PRKCE: variants seen among roughly 807,000 people sequenced by gnomAD.
PRKCE encodes the protein protein kinase C epsilon.
In PRKCE, 16 loss-of-function variants were observed where a neutral mutation model predicts 85.4. That is an observed-to-expected ratio of 0.19 (90% CI 0.13 to 0.28). The LOEUF is 0.28. Ranked by LOEUF, PRKCE falls within the 10% of genes least tolerant of loss-of-function variation. The probability of loss-of-function intolerance (pLI) is 1.00; values close to 1 mark genes in which losing one functional copy is unlikely to be tolerated. For synonymous variants in PRKCE, 388 were observed against 371.5 expected (o/e 1.04, Z -0.51); for missense variants, 573 against 975.2 (o/e 0.59, Z 5.49).
chr2:45,887,096 G>A (rs1695359047), intron 2 of PRKCE, among the ~76,000 whole-genome samples: 1 of 152,206 alleles, frequency 6.6e-6, no homozygotes, highest in Non-Finnish European at 1.5e-5. Flanking sequence ...GTGTCTATCT[G>A]TAATGGCTTA....
At chr2:45,769,224 G>C (rs187072613) in intron 1 of PRKCE, among the ~76,000 whole-genome samples, 89 of 152,158 alleles carry the variant, frequency 5.8e-4, no homozygotes, top group African/African-American at 2.1e-3. Flanking sequence ...CTTGACAAAA[G>C]TCTTTTCATC....
At chr2:45,980,864 G>A (rs555465055) in intron 5 of PRKCE, among the ~76,000 whole-genome samples, 7 of 152,346 alleles carry the variant, frequency 4.6e-5, no homozygotes, top group African/African-American at 9.6e-5. Context: ...GGCACTTACC[G>A]TGCCCTGATT....
chr2:45,740,805 C>T lies in PRKCE; in HGVS notation c.348+88357C>T, dbSNP rs1038077403. On this transcript the variant is annotated intron_variant, in intron 1 of 14. Coordinates refer to ENST00000306156, the MANE Select transcript of PRKCE (RefSeq NM_005400.3). ...ATTCTGATTCTACCTGGGTTCATCTCAGACCACAGTTGTTTGAAAGTGCAG... is the reference window on the plus strand; with the variant it reads ...ATTCTGATTCTACCTGGGTTCATCTTAGACCACAGTTGTTTGAAAGTGCAG... Among the ~76,000 whole-genome samples, 3 of 152,220 alleles carry T rather than the reference C, an allele frequency of 2.0e-5. No individual in the cohort carries two copies. In the South Asian group the frequency reaches 6.2e-4, roughly 32 times the overall value.
intron 1 of PRKCE, among the ~76,000 whole-genome samples, chr2:45,789,525 G>C (rs1686871871): frequency 6.6e-6 from 1 of 152,186 alleles, no homozygotes. Context: ...AGCTACTCAG[G>C]AAGCTGAGGC....
intron 1 of PRKCE, among the ~76,000 whole-genome samples, chr2:45,796,702 T>G (rs1573392102): frequency 6.6e-6 from 1 of 152,298 alleles, no homozygotes; most frequent in East Asian, 1.9e-4. Flanking sequence ...GGGTGAGCCA[T>G]CATTCTTAGC....
chr2:45,786,802 C>T lies in PRKCE; in HGVS notation c.349-56198C>T, dbSNP rs563221665. Among the ~76,000 whole-genome samples the T allele has an allele frequency of 6.6e-6, 1 of 152,308 alleles. No homozygotes were observed. The highest frequency in any genetic ancestry group is 2.4e-5 in the African/African-American group (1 of 41,570). ...TCAGTGAGGTAACCACTACCCTCAC[C>T]CCCGTTTTACAGAGGTGGAAACCGA... On this transcript the variant is annotated intron_variant, in intron 1 of 14. Coordinates refer to ENST00000306156, the MANE Select transcript of PRKCE (RefSeq NM_005400.3). This position sits in a 1 kb window ranked among gnomAD's most constrained non-coding sequence, Gnocchi z 5.3.
intron 2 of PRKCE, among the ~76,000 whole-genome samples, chr2:45,869,789 C>T (rs960897351): frequency 4.8e-5 from 7 of 145,392 alleles, no homozygotes; most frequent in African/African-American, 1.5e-4. Flanking sequence ...CTCACTGCAA[C>T]GTCCACCTCC....
chr2:46,183,965 G>A (rs1299730890), intron 14 of PRKCE, among the ~76,000 whole-genome samples: 5 of 152,106 alleles, frequency 3.3e-5, no homozygotes, highest in African/African-American at 1.2e-4. Context: ...CACCCCCCAA[G>A]AACCATAAGG....
At chr2:45,816,329 C>A (rs1372258260) in intron 1 of PRKCE, among the ~76,000 whole-genome samples, 1 of 152,022 alleles carries the variant, frequency 6.6e-6, no homozygotes, top group Admixed American at 6.6e-5. Context: ...TGTTCACTAC[C>A]CCCTGGAGTG....
intron 14 of PRKCE, among the ~76,000 whole-genome samples, chr2:46,179,882 C>T (rs1374016366): frequency 3.0e-4 from 46 of 152,138 alleles, no homozygotes; most frequent in Admixed American, 3.0e-3. Context: ...ATCAAAACAC[C>T]CCCTGACAGC....
chr2:45,837,503 T>C (rs1690977447), intron 1 of PRKCE, among the ~76,000 whole-genome samples: 3 of 152,150 alleles, frequency 2.0e-5, no homozygotes, highest in Admixed American at 2.0e-4. Flanking sequence ...GTGGTCCACC[T>C]GCCTCAGTCT....
intron 10 of PRKCE, chr2:46,077,946 C>G (rs946060161): frequency 1.1e-4 from 17 of 152,112 alleles, no homozygotes; most frequent in Admixed American, 8.5e-4. Context: ...TTCATTTATT[C>G]TAATGATGGT....
intron 11 of PRKCE, among the ~76,000 whole-genome samples, chr2:46,117,350 T>A (rs984113676): frequency 6.6e-6 from 1 of 152,254 alleles, no homozygotes; most frequent in African/African-American, 2.4e-5. Context: ...CTTTTGTGGC[T>A]AATAATCCTG....
chr2:45,779,488 A>G (rs1686013723), intron 1 of PRKCE, among the ~76,000 whole-genome samples: 1 of 151,934 alleles, frequency 6.6e-6, no homozygotes, highest in South Asian at 2.1e-4. Context: ...AGCCTGCGAG[A>G]GCTAGGTTGA....
chr2:46,180,208 T>C (rs140323095), intron 14 of PRKCE, among the ~76,000 whole-genome samples: 2 of 152,218 alleles, frequency 1.3e-5, no homozygotes, highest in African/African-American at 4.8e-5. Flanking sequence ...AAAGGGCATG[T>C]ACATGGAGGT....
intron 11 of PRKCE, among the ~76,000 whole-genome samples, chr2:46,091,222 T>TAACCA (rs1670140284): frequency 6.6e-6 from 1 of 152,104 alleles, no homozygotes; most frequent in Non-Finnish European, 1.5e-5. Context: ...TTTCCACTTT[T>TAACCA]CCTAATTATG....
At chr2:45,850,058 T>C (rs574261801) in intron 2 of PRKCE, among the ~76,000 whole-genome samples, 6 of 152,312 alleles carry the variant, frequency 3.9e-5, no homozygotes, top group African/African-American at 1.4e-4. Context: ...AAATAGCCTC[T>C]AGATGCACAG....
At chr2:45,921,265 C>T (rs903979177) in intron 2 of PRKCE, among the ~76,000 whole-genome samples, 5 of 152,104 alleles carry the variant, frequency 3.3e-5, no homozygotes, top group South Asian at 4.1e-4. Flanking sequence ...GAGAAAAAGG[C>T]GTGTGGAGTT....
At chr2:46,060,124 A>G (rs1012288289) in intron 10 of PRKCE, among the ~76,000 whole-genome samples, 2 of 152,234 alleles carry the variant, frequency 1.3e-5, no homozygotes, top group African/African-American at 4.8e-5. Context: ...TCTGTATTTT[A>G]TTAACCTCAG....
Sources: allele counts gnomAD v4.1 joint callset (sites outside exome capture counted in the v4.1 genomes callset), GRCh38; gene constraint gnomAD v4.1.1; non-coding constraint Gnocchi (gnomAD v3.1); transcripts MANE v1.5; gene names NCBI Gene and HGNC (gene_info 2026-07-23, HGNC 2026-07-21).